ANKS6: variants seen among roughly 807,000 people sequenced by gnomAD.
ANKS6 encodes the protein ankyrin repeat and sterile alpha motif domain containing 6, also known as ankyrin repeat and SAM domain-containing protein 6.
Under a neutral mutation model 77.9 loss-of-function variants are expected in ANKS6, and 47 were observed. The observed-to-expected ratio is 0.60, with a 90% CI of 0.48 to 0.77. The LOEUF is 0.77. Among genes scored for constraint, ANKS6 ranks in the 30% least tolerant of loss-of-function variants. The probability of loss-of-function intolerance (pLI) is 0.00; values close to 1 mark genes in which losing one functional copy is unlikely to be tolerated. For synonymous variants in ANKS6, 488 were observed against 501.7 expected (o/e 0.97, Z 0.37); for missense variants, 1,150 against 1,159.1 (o/e 0.99, Z 0.11).
At chr9:98,750,225 G>C (rs574199425) in intron 13 of ANKS6, among the ~76,000 whole-genome samples, 1 of 152,216 alleles carries the variant, frequency 6.6e-6, no homozygotes, top group African/African-American at 2.4e-5. Flanking sequence ...TCTACTTTTT[G>C]TGTCTACAGA....
At chr9:98,765,777 G>C (rs771970018) in intron 11 of ANKS6, among the ~76,000 whole-genome samples, 1 of 152,048 alleles carries the variant, frequency 6.6e-6, no homozygotes, top group South Asian at 2.1e-4. Context: ...ACTGATTCAC[G>C]GCCCTGCTAG....
At position 98,780,407 on chromosome 9, in the gene ANKS6, G is replaced by T. The variant is rs775668893; in HGVS notation, c.1220-70C>A. ...GGGCCATAAGGAGAAGACTCAAGAT[G>T]ACCCCTGTTAGACTTAGAACTCAGC... On this transcript the variant is annotated intron_variant, in intron 5 of 14. Transcript: ENST00000353234. 393 of 1,489,378 alleles carry T rather than the reference G, an allele frequency of 2.6e-4. 1 individual carries two copies. Among genetic ancestry groups the T allele is most frequent in the Non-Finnish European group, 3.3e-4 (369 of 1,107,118 alleles). The allele number at this position is 1,489,378 out of a possible 1,614,324, so 92.3% of individuals were successfully genotyped here. A position where few individuals can be genotyped will look rare whatever the true frequency, so the allele number is the denominator to read the frequency against.
At chr9:98,776,000 C>T (rs918004037) in intron 8 of ANKS6, among the ~76,000 whole-genome samples, 1 of 152,128 alleles carries the variant, frequency 6.6e-6, no homozygotes, top group African/African-American at 2.4e-5. Flanking sequence ...CTGGGAGCCC[C>T]CTCTGCTCCC....
intron 12 of ANKS6, among the ~76,000 whole-genome samples, chr9:98,754,368 G>A (rs529272): frequency 3.9e-5 from 6 of 152,282 alleles, no homozygotes; most frequent in African/African-American, 7.2e-5. Flanking sequence ...GGGGCCGGGC[G>A]TGGTGGCTCA....
chr9:98,793,725 G>A (rs548280893), intron 1 of ANKS6, among the ~76,000 whole-genome samples: 143 of 151,574 alleles, frequency 9.4e-4, no homozygotes, highest in African/African-American at 3.2e-3. Context: ...AGTAGAGACA[G>A]GGTTTCACTA....
chr9:98,736,726 C>G, intron 14 of ANKS6, 103 bp from the exon 15 acceptor site: 1 of 1,386,988 alleles, frequency 7.2e-7, no homozygotes, highest in South Asian at 1.3e-5. Context: ...ACTTCAAAAA[C>G]CCATGGGCGT....
chr9:98,762,335 T>G (rs983763258), intron 11 of ANKS6, among the ~76,000 whole-genome samples: 1 of 151,996 alleles, frequency 6.6e-6, no homozygotes, highest in Non-Finnish European at 1.5e-5. Flanking sequence ...TGTAGATTCT[T>G]TGCAGTTTTC....
chr9:98,763,208 T>C (rs1405089739), intron 11 of ANKS6, among the ~76,000 whole-genome samples: 1 of 128,054 alleles, frequency 7.8e-6, no homozygotes, highest in Non-Finnish European at 1.7e-5. Flanking sequence ...TTCTTTCCAA[T>C]TGCCTATGAG....
At chr9:98,743,631 G>A (rs989156849) in intron 14 of ANKS6, among the ~76,000 whole-genome samples, 1 of 152,148 alleles carries the variant, frequency 6.6e-6, no homozygotes, top group African/African-American at 2.4e-5. Context: ...ATGTGCTGTG[G>A]GTTAGCTACA....
In ANKS6 at chr9:98,791,778, C is replaced by T. The variant is rs1281028926; in HGVS notation, c.360-1172G>A. ...AGACCTCCCTCCTCCTGGCGGCTGG[C>T]GGCCAGGCCAGGGCTGAACTCTGTC... On this transcript the variant is annotated intron_variant, in intron 1 of 14. Coordinates refer to ENST00000353234, the MANE Select transcript of ANKS6 (RefSeq NM_173551.5). This position sits in a 1 kb window ranked among gnomAD's most constrained non-coding sequence, Gnocchi z 4.3. Among the ~76,000 whole-genome samples the T allele has an allele frequency of 1.3e-5, 2 of 152,082 alleles. No homozygotes were observed. The highest frequency in any genetic ancestry group is 2.4e-5 in the African/African-American group (1 of 41,418).
At chr9:98,745,470 G>A (rs1234555619) in intron 14 of ANKS6, 89 bp downstream of exon 14, 1 of 1,235,708 alleles carries the variant, frequency 8.1e-7, no homozygotes. Context: ...CTGTCAGAGA[G>A]AGGAAGTAAG....
Position 98,735,169 on chromosome 9 carries a change from T to C in ANKS6, c.*1350A>G, listed in dbSNP as rs1831429589. On this transcript the variant is annotated 3_prime_UTR_variant, in exon 15 of 15. Transcript: ENST00000353234. The stretch of plus-strand genomic sequence containing the variant: ...TGCAGACCCAGCACTTTGGGCATAC[T>C]GGTTCTAAGCTCCAACTAAGAGGCC... The C allele has an allele frequency of 5.1e-6, 5 of 985,558 alleles. No individual in the cohort carries two copies. Among genetic ancestry groups the C allele is most frequent in the Non-Finnish European group, 6.0e-6 (5 of 830,008 alleles). The allele number at this position is 985,558 out of a possible 1,614,324, so 61.1% of individuals were successfully genotyped here. A position where few individuals can be genotyped will look rare whatever the true frequency, so the allele number is the denominator to read the frequency against.
chr9:98,765,883 T>A (rs1241809750), intron 11 of ANKS6, among the ~76,000 whole-genome samples: 1 of 152,190 alleles, frequency 6.6e-6, no homozygotes, highest in African/African-American at 2.4e-5. Context: ...AATACTAACT[T>A]CTAATTTTTA....
At position 98,732,832 on chromosome 9, in the gene ANKS6, A is replaced by C; in HGVS notation, c.*3687T>G. On this transcript the variant is annotated 3_prime_UTR_variant, in exon 15 of 15. Transcript: ENST00000353234. ...TTGCTTCTACTCATTTTAAAGGACT[A>C]AAAACAGAAAAACAGGCACCCAACT... The C allele has an allele frequency of 8.1e-7, 1 of 1,235,160 alleles. No homozygotes were observed. The highest frequency in any genetic ancestry group is 1.0e-6 in the Non-Finnish European group (1 of 984,496). The allele number at this position is 1,235,160 out of a possible 1,614,324, so 76.5% of individuals were successfully genotyped here.
chr9:98,748,890 C>G (rs1832283667), intron 13 of ANKS6, among the ~76,000 whole-genome samples: 1 of 152,134 alleles, frequency 6.6e-6, no homozygotes, highest in African/African-American at 2.4e-5. Flanking sequence ...TAACTTCATT[C>G]CTCTTCCATA....
At chr9:98,794,185 G>T (rs11791440) in intron 1 of ANKS6, among the ~76,000 whole-genome samples, 95,165 of 148,184 alleles carry the variant, frequency 0.64, 31,047 homozygotes, top group African/African-American at 0.74. Flanking sequence ...AAAACACTAA[G>T]GTCACCATTT....
chr9:98,788,488 T>C (rs1046271721), intron 2 of ANKS6, among the ~76,000 whole-genome samples: 3 of 152,176 alleles, frequency 2.0e-5, no homozygotes, highest in African/African-American at 4.8e-5. Context: ...AACCCAAACC[T>C]TTAAAGGAGA....
At chr9:98,778,144 A>T in intron 7 of ANKS6, 82 bp downstream of exon 7, 1 of 1,490,158 alleles carries the variant, frequency 6.7e-7, no homozygotes, top group Non-Finnish European at 9.1e-7. Context: ...CCCTGACAGC[A>T]ACCCAGGAGG....
chr9:98,772,609 C>A (rs1833702255), intron 9 of ANKS6, among the ~76,000 whole-genome samples: 1 of 152,160 alleles, frequency 6.6e-6, no homozygotes, highest in Admixed American at 6.5e-5. Context: ...CCACTGTGGG[C>A]ACTCCTAAGG....
Sources: gnomAD v4.1 joint callset for allele counts (sites outside exome capture counted in the v4.1 genomes callset) on GRCh38, gnomAD v4.1.1 for gene constraint, Gnocchi (gnomAD v3.1) non-coding constraint, MANE v1.5 for transcripts, NCBI Gene and HGNC (gene_info 2026-07-23, HGNC 2026-07-21) for gene names.